The following ELMO1 variants were observed in gnomAD, a reference collection of about 807,000 sequenced individuals.
ELMO1 encodes the protein engulfment and cell motility protein 1.
Under a neutral mutation model 98.9 loss-of-function variants are expected in ELMO1, and 26 were observed. The ratio of observed to expected loss-of-function variants is 0.26; its 90% confidence interval spans 0.19 to 0.36. The LOEUF is 0.36. Ranked by LOEUF, ELMO1 falls within the 10% of genes least tolerant of loss-of-function variation. The pLI, the probability that ELMO1 is intolerant of heterozygous loss-of-function variation, is 1.00. For missense variants in ELMO1, 627 were observed against 935.2 expected, an observed-to-expected ratio of 0.67 and a Z score of 4.30; for synonymous variants, 346 against 346.0, an observed-to-expected ratio of 1.00 and a Z score of 0.00.
intron 4 of ELMO1, among the ~76,000 whole-genome samples, chr7:37,299,276 G>A (rs1798230822): frequency 6.6e-6 from 1 of 151,518 alleles, no homozygotes; most frequent in African/African-American, 2.4e-5. Context: ...TCTGATGGTA[G>A]TTTCTTTTGC....
At chr7:36,932,881 C>A (rs1394199564) in intron 16 of ELMO1, among the ~76,000 whole-genome samples, 2 of 152,200 alleles carry the variant, frequency 1.3e-5, no homozygotes, top group Non-Finnish European at 2.9e-5. Flanking sequence ...GTTCAGGCAA[C>A]AGATGAGTGG....
chr7:37,271,786 G>C (rs72624207), intron 5 of ELMO1, 46 bp downstream of exon 5: 1 of 1,589,274 alleles, frequency 6.3e-7, no homozygotes, highest in East Asian at 2.2e-5. Context: ...TAGCAGAAAC[G>C]CAGAGCAAAG....
At chr7:37,222,966 C>T (rs1793678798) in intron 9 of ELMO1, among the ~76,000 whole-genome samples, 1 of 152,182 alleles carries the variant, frequency 6.6e-6, no homozygotes, top group Non-Finnish European at 1.5e-5. Flanking sequence ...AGATTAAAGG[C>T]ATAAACCTAG....
intron 14 of ELMO1, among the ~76,000 whole-genome samples, chr7:37,111,314 A>G (rs867728637): frequency 6.6e-6 from 1 of 152,236 alleles, no homozygotes; most frequent in Non-Finnish European, 1.5e-5. Context: ...ATTGCTAAGA[A>G]GAGCAAATGG....
At chr7:36,865,285 A>T (rs952540791) in intron 20 of ELMO1, among the ~76,000 whole-genome samples, 13 of 152,206 alleles carry the variant, frequency 8.5e-5, no homozygotes, top group Admixed American at 6.5e-5. Flanking sequence ...ATAACTCGGC[A>T]TGTGTGTGGG....
chr7:36,954,857 T>C (rs1323518176), intron 16 of ELMO1, among the ~76,000 whole-genome samples: 1 of 152,226 alleles, frequency 6.6e-6, no homozygotes, highest in African/African-American at 2.4e-5. Context: ...CACATTAAAT[T>C]AGGAATTCTG....
At chr7:37,224,097 T>G (rs990431530) in intron 9 of ELMO1, among the ~76,000 whole-genome samples, 2 of 152,232 alleles carry the variant, frequency 1.3e-5, no homozygotes, top group African/African-American at 2.4e-5. Context: ...TAGCTACTTA[T>G]GTCATTTCTG....
At chr7:37,210,440 G>A (rs1792890115) in intron 13 of ELMO1, among the ~76,000 whole-genome samples, 1 of 151,554 alleles carries the variant, frequency 6.6e-6, no homozygotes, top group Admixed American at 6.6e-5. Flanking sequence ...CATAAAGCAT[G>A]ATACCATTTG....
intron 13 of ELMO1, among the ~76,000 whole-genome samples, chr7:37,181,826 A>T (rs1018655992): frequency 6.6e-6 from 1 of 152,170 alleles, no homozygotes; most frequent in African/African-American, 2.4e-5. Flanking sequence ...TTCTTTGAGA[A>T]AATATGGTGT....
chr7:37,417,745 G>A (rs2131520311), intron 1 of ELMO1, among the ~76,000 whole-genome samples: 1 of 152,204 alleles, frequency 6.6e-6, no homozygotes, highest in African/African-American at 2.4e-5. Context: ...GGGAGGCTGA[G>A]GCAGGAGAAT....
At chr7:37,238,626 T>C (rs1007951695) in intron 7 of ELMO1, among the ~76,000 whole-genome samples, 1 of 152,220 alleles carries the variant, frequency 6.6e-6, no homozygotes, top group African/African-American at 2.4e-5. Context: ...ATTTGCCTTA[T>C]TCTCAGTCTG....
chr7:37,447,427 A>G (rs1805664729), intron 1 of ELMO1, among the ~76,000 whole-genome samples: 1 of 151,954 alleles, frequency 6.6e-6, no homozygotes, highest in African/African-American at 2.4e-5. Flanking sequence ...GGCATCCCAA[A>G]TATATTCACT....
At position 37,342,545 on chromosome 7, in the gene ELMO1, A is replaced by G. The variant is rs1270154709; in HGVS notation, c.78+68T>C. The G allele has an allele frequency of 4.0e-6, 6 of 1,489,626 alleles. No individual in the cohort carries two copies. The highest frequency in any genetic ancestry group is 5.6e-6 in the Non-Finnish European group (6 of 1,066,706). 92.3% of individuals were successfully genotyped at this position (1,489,626 alleles called of 1,614,324 possible). On this transcript the variant is annotated intron_variant, in intron 2 of 21. Coordinates refer to ENST00000310758, the MANE Select transcript of ELMO1 (RefSeq NM_014800.11). This position sits in a 1 kb window ranked among gnomAD's most constrained non-coding sequence, Gnocchi z 4.3. ...GAAAGGGAGAAGAGTGAGCTATCCA[A>G]AGTCTATGAAAATTCCAGTATAGAA...
At chr7:36,973,269 ACTG>A (rs1318169856) in intron 16 of ELMO1, among the ~76,000 whole-genome samples, 3 of 152,176 alleles carry the variant, frequency 2.0e-5, no homozygotes, top group Admixed American at 2.0e-4. Context: ...CTGGAGCGAG[ACTG>A]CTGTTCTTTT....
At chr7:37,060,444 G>A (rs1327883180) in intron 15 of ELMO1, among the ~76,000 whole-genome samples, 1 of 152,130 alleles carries the variant, frequency 6.6e-6, no homozygotes, top group Non-Finnish European at 1.5e-5. Flanking sequence ...ACTTATAAGT[G>A]GGAGCTAAAC....
intron 15 of ELMO1, among the ~76,000 whole-genome samples, chr7:37,050,903 A>C (rs893170557): frequency 6.6e-6 from 1 of 152,102 alleles, no homozygotes; most frequent in Non-Finnish European, 1.5e-5. Flanking sequence ...GCTCCAACCA[A>C]GGCTAATGAC....
chr7:37,095,179 C>T, intron 15 of ELMO1, among the ~76,000 whole-genome samples: 1 of 152,192 alleles, frequency 6.6e-6, no homozygotes, highest in Admixed American at 6.5e-5. Flanking sequence ...CCACTACTCA[C>T]TCCAGTTACT....
chr7:37,064,865 G>C (rs1306797331), intron 15 of ELMO1, among the ~76,000 whole-genome samples: 1 of 152,082 alleles, frequency 6.6e-6, no homozygotes, highest in Non-Finnish European at 1.5e-5. Context: ...TGCAGTACCT[G>C]TTTAACAGCT....
chr7:37,063,765 C>A (rs535925734), intron 15 of ELMO1, among the ~76,000 whole-genome samples: 3 of 152,128 alleles, frequency 2.0e-5, no homozygotes, highest in Non-Finnish European at 4.4e-5. Context: ...AGAAAACGCA[C>A]GTTCACCAGA....
Sources: gnomAD v4.1 joint callset for allele counts (sites outside exome capture counted in the v4.1 genomes callset) on GRCh38, gnomAD v4.1.1 for gene constraint, Gnocchi (gnomAD v3.1) non-coding constraint, MANE v1.5 for transcripts, NCBI Gene and HGNC (gene_info 2026-07-23, HGNC 2026-07-21) for gene names.